Variants in SHC3 observed in about 807,000 individuals in gnomAD.
The protein encoded by SHC3 is SHC-transforming protein 3.
Under a neutral mutation model 60.4 loss-of-function variants are expected in SHC3, and 15 were observed. That is an observed-to-expected ratio of 0.25 (90% CI 0.17 to 0.38). The LOEUF is 0.38. Ranked by LOEUF, SHC3 falls within the 10% of genes least tolerant of loss-of-function variation. The pLI is 1.00. For synonymous variants in SHC3, 294 were observed against 325.9 expected (o/e 0.90, Z 1.05); for missense variants, 677 against 786.1 (o/e 0.86, Z 1.66).
At chr9:89,126,320 A>C (rs985837816) in intron 1 of SHC3, among the ~76,000 whole-genome samples, 1 of 152,198 alleles carries the variant, frequency 6.6e-6, no homozygotes, top group African/African-American at 2.4e-5. Flanking sequence ...GGAAGGTTAG[A>C]GTTCTTCCTA....
At chr9:89,113,104 T>C (rs1352768838) in intron 1 of SHC3, among the ~76,000 whole-genome samples, 2 of 152,184 alleles carry the variant, frequency 1.3e-5, no homozygotes, top group African/African-American at 2.4e-5. Flanking sequence ...TTAAATGTCA[T>C]TATCTGATAA....
chr9:89,153,782 G>A (rs1826580576), intron 1 of SHC3, among the ~76,000 whole-genome samples: 1 of 152,184 alleles, frequency 6.6e-6, no homozygotes, highest in South Asian at 2.1e-4. Flanking sequence ...CTTGAATAAA[G>A]GAAATATGAC....
intron 6 of SHC3, among the ~76,000 whole-genome samples, chr9:89,061,211 T>C (rs1287137306): frequency 6.6e-6 from 1 of 151,986 alleles, no homozygotes; most frequent in East Asian, 1.9e-4. Flanking sequence ...AACCACCTGG[T>C]TAAAAAAAAT....
intron 11 of SHC3, among the ~76,000 whole-genome samples, chr9:89,016,787 C>A (rs1826102005): frequency 1.3e-5 from 2 of 152,024 alleles, no homozygotes; most frequent in Non-Finnish European, 2.9e-5. Flanking sequence ...CAAATTGAAC[C>A]CAACAATGTA....
intron 1 of SHC3, among the ~76,000 whole-genome samples, chr9:89,141,339 T>A (rs1407891310): frequency 6.6e-6 from 1 of 152,102 alleles, no homozygotes; most frequent in African/African-American, 2.4e-5. Context: ...CCCTTCTTTA[T>A]GACAGAACAA....
intron 4 of SHC3, among the ~76,000 whole-genome samples, chr9:89,072,525 C>T (rs1825290894): frequency 2.0e-5 from 3 of 152,008 alleles, no homozygotes; most frequent in Admixed American, 2.0e-4. Flanking sequence ...AATGTAAAAT[C>T]CAGAGCAGAC....
At chr9:89,045,279 CTTTT>C (rs35967148) in intron 9 of SHC3, among the ~76,000 whole-genome samples, 3 of 122,274 alleles carry the variant, frequency 2.5e-5, no homozygotes, top group South Asian at 2.5e-4. Flanking sequence ...AACACTGTTG[CTTTT>C]TTTTTTTTTT....
intron 1 of SHC3, among the ~76,000 whole-genome samples, chr9:89,126,319 G>T (rs1328560136): frequency 6.6e-6 from 1 of 152,184 alleles, no homozygotes; most frequent in Admixed American, 6.5e-5. Context: ...AGGAAGGTTA[G>T]AGTTCTTCCT....
intron 1 of SHC3, among the ~76,000 whole-genome samples, chr9:89,156,877 T>C (rs945175155): frequency 2.0e-5 from 3 of 152,042 alleles, no homozygotes; most frequent in Admixed American, 2.0e-4. Flanking sequence ...CAATCACAAA[T>C]CAGAAAATCC....
At chr9:89,083,993 C>T (rs1353082007) in intron 2 of SHC3, among the ~76,000 whole-genome samples, 2 of 152,198 alleles carry the variant, frequency 1.3e-5, no homozygotes, top group Non-Finnish European at 2.9e-5. Flanking sequence ...AGCTCCAGCA[C>T]ACTAAGCATC....
chr9:89,089,408 T>TG (rs1346793415), intron 2 of SHC3, among the ~76,000 whole-genome samples: 1 of 152,132 alleles, frequency 6.6e-6, no homozygotes, highest in Non-Finnish European at 1.5e-5. Context: ...TCTTGGAGCC[T>TG]GGGGGGTGGA....
intron 1 of SHC3, among the ~76,000 whole-genome samples, chr9:89,166,830 T>A (rs1352351322): frequency 6.6e-6 from 1 of 152,064 alleles, no homozygotes; most frequent in African/African-American, 2.4e-5. Context: ...TCTCTCCCTG[T>A]ATATGTAATT....
chr9:89,098,022 C>T (rs1450982105), intron 2 of SHC3, among the ~76,000 whole-genome samples: 1 of 152,110 alleles, frequency 6.6e-6, no homozygotes, highest in East Asian at 1.9e-4. Flanking sequence ...AATATTGGGC[C>T]ACAGTGACAT....
intron 1 of SHC3, among the ~76,000 whole-genome samples, chr9:89,160,423 T>C (rs1478345654): frequency 6.6e-6 from 1 of 152,130 alleles, no homozygotes; most frequent in African/African-American, 2.4e-5. Flanking sequence ...GAACATAGAT[T>C]TTTTTTCCCC....
At chr9:89,050,022 C>T (rs1824837253) in intron 7 of SHC3, among the ~76,000 whole-genome samples, 1 of 152,208 alleles carries the variant, frequency 6.6e-6, no homozygotes, top group Non-Finnish European at 1.5e-5. Context: ...TTATCAATTA[C>T]ATGCTTCCCT....
intron 2 of SHC3, among the ~76,000 whole-genome samples, chr9:89,104,603 C>T (rs966641987): frequency 2.6e-5 from 4 of 152,154 alleles, no homozygotes; most frequent in African/African-American, 9.7e-5. Flanking sequence ...TGCAGCGGAG[C>T]CCACATTAGG....
In SHC3 at chr9:89,124,730, A is replaced by T. The variant is rs562943571; in HGVS notation, c.475-12104T>A. 1.2e-4 allele frequency among the ~76,000 whole-genome samples: 19 copies of T among 152,202 alleles called. No homozygotes were observed. The South Asian group carries it at 3.7e-3, about 30-fold the overall frequency. ...AAGGAGAGCGTTAGGACAAATACCTAATGCACACGGGGCTTAAAACTTAGA... is the reference window on the plus strand; with the variant it reads ...AAGGAGAGCGTTAGGACAAATACCTTATGCACACGGGGCTTAAAACTTAGA... On this transcript the variant is annotated intron_variant, in intron 1 of 11. Transcript: ENST00000375835.
chr9:89,139,724 G>A (rs992309425), intron 1 of SHC3, among the ~76,000 whole-genome samples: 1 of 152,160 alleles, frequency 6.6e-6, no homozygotes, highest in African/African-American at 2.4e-5. Flanking sequence ...TACAAATCAA[G>A]TTTGATTCCT....
intron 11 of SHC3, among the ~76,000 whole-genome samples, chr9:89,032,254 T>C (rs1467630169): frequency 1.3e-5 from 2 of 152,208 alleles, no homozygotes; most frequent in Non-Finnish European, 2.9e-5. Context: ...AGGGAACATT[T>C]AAAAACTACT....
Sources: allele counts gnomAD v4.1 joint callset (sites outside exome capture counted in the v4.1 genomes callset), GRCh38; gene constraint gnomAD v4.1.1; transcripts MANE v1.5; gene names NCBI Gene and HGNC (gene_info 2026-07-23, HGNC 2026-07-21).